Variants in XRCC6 observed in about 807,000 individuals in gnomAD.
The protein encoded by XRCC6 is X-ray repair cross complementing 6, also known as DNA repair protein Ku70.
A neutral mutation model predicts 65.7 loss-of-function variants in XRCC6; 5 were observed. That is an observed-to-expected ratio of 0.08 (90% CI 0.04 to 0.16). XRCC6 has a LOEUF of 0.16. Ranked by LOEUF, XRCC6 falls within the 10% of genes least tolerant of loss-of-function variation. The pLI, the probability that XRCC6 is intolerant of heterozygous loss-of-function variation, is 1.00. For missense variants in XRCC6, 447 were observed against 738.1 expected, an observed-to-expected ratio of 0.61 and a Z score of 4.57; for synonymous variants, 270 against 270.6, an observed-to-expected ratio of 1.00 and a Z score of 0.02.
chr22:41,649,730 C>G (rs1181800916), intron 7 of XRCC6, among the ~76,000 whole-genome samples: 1 of 151,858 alleles, frequency 6.6e-6, no homozygotes, highest in African/African-American at 2.4e-5. Flanking sequence ...TGGCGGGCAC[C>G]TATAGTCCCA....
At chr22:41,621,911 C>A in intron 1 of XRCC6, 79 bp from the exon 2 acceptor site, 1 of 1,382,398 alleles carries the variant, frequency 7.2e-7, no homozygotes, top group Non-Finnish European at 1.0e-6. Context: ...GCTTTTAGAA[C>A]AGATCTCACA....
intron 2 of XRCC6, among the ~76,000 whole-genome samples, chr22:41,624,678 ACT>A (rs943468567): frequency 1.2e-4 from 18 of 144,080 alleles, no homozygotes; most frequent in African/African-American, 2.3e-4. Context: ...ACAGAGTGAG[ACT>A]CTGTCTCAAA....
intron 3 of XRCC6, among the ~76,000 whole-genome samples, chr22:41,632,785 T>C (rs1440349743): frequency 3.4e-5 from 5 of 148,928 alleles, no homozygotes; most frequent in African/African-American, 1.2e-4. Context: ...ATTGTGCCAG[T>C]GAACTCTAGC....
chr22:41,623,883 C>T (rs777564830), intron 2 of XRCC6, among the ~76,000 whole-genome samples: 27 of 152,032 alleles, frequency 1.8e-4, no homozygotes, highest in African/African-American at 3.6e-4. Flanking sequence ...CCACCACACT[C>T]GGCTAATTTT....
At chr22:41,629,187 C>T (rs940875553) in intron 3 of XRCC6, among the ~76,000 whole-genome samples, 1 of 152,034 alleles carries the variant, frequency 6.6e-6, no homozygotes, top group East Asian at 1.9e-4. Context: ...TTGACTGTAC[C>T]TGACCTGTTC....
intron 6 of XRCC6, among the ~76,000 whole-genome samples, chr22:41,641,420 T>A (rs994714490): frequency 2.0e-5 from 3 of 152,226 alleles, no homozygotes; most frequent in Non-Finnish European, 4.4e-5. Flanking sequence ...TCAGCATAGA[T>A]GGGTTATCTA....
chr22:41,641,530 T>C (rs533630652), intron 6 of XRCC6, among the ~76,000 whole-genome samples: 2 of 152,286 alleles, frequency 1.3e-5, no homozygotes, highest in East Asian at 1.9e-4. Flanking sequence ...CACCCTGATC[T>C]GCTCTAAAGT....
At chr22:41,630,987 C>T (rs61572377) in intron 3 of XRCC6, among the ~76,000 whole-genome samples, 10,067 of 152,236 alleles carry the variant, frequency 0.066, 1,071 homozygotes, top group African/African-American at 0.23. Flanking sequence ...GCACACCTCC[C>T]AGACGGGGTG....
At chr22:41,649,009 A>G (rs1401912311) in intron 7 of XRCC6, among the ~76,000 whole-genome samples, 2 of 151,274 alleles carry the variant, frequency 1.3e-5, no homozygotes, top group African/African-American at 4.9e-5. Flanking sequence ...AGGCTGAAGG[A>G]GGATCACTTG....
chr22:41,646,745 G>C (rs753401521), intron 6 of XRCC6, 151 bp from the exon 7 acceptor site: 7 of 631,754 alleles, frequency 1.1e-5, no homozygotes, highest in Non-Finnish European at 1.6e-5. Flanking sequence ...TAGCAAATTC[G>C]ATTGTATTAT....
intron 2 of XRCC6, among the ~76,000 whole-genome samples, chr22:41,627,325 G>C (rs1161285454): frequency 6.6e-6 from 1 of 152,008 alleles, no homozygotes; most frequent in Non-Finnish European, 1.5e-5. Flanking sequence ...TTAGGCCAGG[G>C]CGGGGTGGGG....
At chr22:41,648,728 G>A (rs2067960914) in intron 7 of XRCC6, among the ~76,000 whole-genome samples, 1 of 152,080 alleles carries the variant, frequency 6.6e-6, no homozygotes, top group Non-Finnish European at 1.5e-5. Flanking sequence ...TTTGATTCAA[G>A]CCAGAGAGTT....
intron 3 of XRCC6, among the ~76,000 whole-genome samples, chr22:41,632,144 GGA>G (rs2067761768): frequency 6.6e-6 from 1 of 151,876 alleles, no homozygotes; most frequent in African/African-American, 2.4e-5. Context: ...GAGACCGTGG[GGA>G]GAGGGAGACC....
intron 8 of XRCC6, 78 bp downstream of exon 8, chr22:41,650,969 G>A (rs1232909391): frequency 1.3e-6 from 2 of 1,544,704 alleles, no homozygotes; most frequent in African/African-American, 1.4e-5. Context: ...AATGGGCACT[G>A]CTTGGACACT....
intron 8 of XRCC6, among the ~76,000 whole-genome samples, chr22:41,651,182 C>T (rs1294079101): frequency 3.3e-5 from 5 of 151,966 alleles, no homozygotes; most frequent in Non-Finnish European, 5.9e-5. Context: ...CCTGTGATCC[C>T]AGCTACCTGG....
At position 41,661,094 on chromosome 22, in the gene XRCC6, A is replaced by G. The variant is rs935087641; in HGVS notation, c.1523-237A>G. Among the ~76,000 whole-genome samples, 14 of 152,216 alleles carry G rather than the reference A, an allele frequency of 9.2e-5. 1 individual carries two copies. Among genetic ancestry groups the G allele is most frequent in the Non-Finnish European group, 2.9e-5 (2 of 68,044 alleles). ...TTTACCTATCCTATAGGTTGTTAGA[A>G]GGAGTAAATAGAGTAAGTTTAAAGC... is the stretch of plus-strand genomic sequence containing the variant. On this transcript the variant is annotated intron_variant, in intron 11 of 12. Coordinates refer to ENST00000360079, the MANE Select transcript of XRCC6 (RefSeq NM_001469.5).
Position 41,661,364 on chromosome 22 carries a change from G to A in XRCC6, c.1556G>A (p.Gly519Asp), listed in dbSNP as rs1601559857. 1 of 1,613,862 alleles carries A rather than the reference G, an allele frequency of 6.2e-7. No homozygotes were observed. Among genetic ancestry groups the A allele is most frequent in the African/African-American group, 1.3e-5 (1 of 74,910 alleles). ...GTTGAAGCAATGAATAAAAGACTGG[G>A]CTCCTTGGTGGATGAGTTTAAGGAG... ...PKVEAMNKRLGSLVDEFKELV... is the reference protein window; with the variant it reads ...PKVEAMNKRLDSLVDEFKELV... Residue 519 changes from glycine to aspartate, a missense_variant, in exon 12 of 13, where the codon GGC becomes GAC. By Grantham distance (94) the Gly-to-Asp change is moderately conservative. This residue lies in a region of XRCC6 where 201 missense variants were observed against 374.1 expected (regional missense o/e 0.54). Coordinates refer to ENST00000360079, the MANE Select transcript of XRCC6 (RefSeq NM_001469.5).
rs757515014 is a variant in XRCC6, at chr22:41,658,323, T to C, written c.1493T>C (p.Met498Thr). The part of the protein sequence containing the change: ...RNLEALALDL[M>T]EPEQAVDLTL... ...CTGGAGGCCTTGGCCTTGGATTTGA[T>C]GGAGCCGGAACAAGCAGTGGACCTG... The change falls in exon 11 of 13, where the codon ATG becomes ACG. Residue 498 changes from methionine (M) to threonine (T), a missense_variant. Coordinates refer to ENST00000360079, the MANE Select transcript of XRCC6 (RefSeq NM_001469.5). 1 of 1,614,146 alleles carries C rather than the reference T, an allele frequency of 6.2e-7. No individual in the cohort carries two copies. The highest frequency in any genetic ancestry group is 1.1e-5 in the South Asian group (1 of 91,088).
intron 6 of XRCC6, among the ~76,000 whole-genome samples, chr22:41,642,473 G>A (rs1040230887): frequency 2.6e-5 from 4 of 152,028 alleles, no homozygotes; most frequent in African/African-American, 7.2e-5. Flanking sequence ...CTATTTGTCC[G>A]TTTTTGCTTT....
Sources: allele counts gnomAD v4.1 joint callset (sites outside exome capture counted in the v4.1 genomes callset), GRCh38; gene constraint gnomAD v4.1.1; regional missense constraint gnomAD v4.1.1; transcripts MANE v1.5; gene names NCBI Gene and HGNC (gene_info 2026-07-23, HGNC 2026-07-21).